AK5: variants seen among roughly 807,000 people sequenced by gnomAD.
AK5 encodes the protein adenylate kinase 5.
AK5 carries 27 observed loss-of-function variants against 69.5 expected under a neutral mutation model. The observed-to-expected ratio is 0.39, with a 90% CI of 0.29 to 0.54. The LOEUF (loss-of-function observed/expected upper bound fraction) is 0.54, where lower values mean the gene tolerates loss of function less well. Among genes scored for constraint, AK5 ranks in the 20% least tolerant of loss-of-function variants. The pLI, the probability that AK5 is intolerant of heterozygous loss-of-function variation, is 0.71. For synonymous variants in AK5, 260 were observed against 244.4 expected (o/e 1.06, Z -0.60); for missense variants, 531 against 700.4 (o/e 0.76, Z 2.73).
intron 8 of AK5, among the ~76,000 whole-genome samples, chr1:77,422,528 G>T (rs145491487): frequency 6.6e-6 from 1 of 152,044 alleles, no homozygotes; most frequent in African/African-American, 2.4e-5. Flanking sequence ...CCCTCAAATG[G>T]GTCATGTTTG....
chr1:77,521,795 C>T (rs1657999852), intron 11 of AK5, 32 bp from the exon 12 acceptor site: 2 of 1,537,632 alleles, frequency 1.3e-6, no homozygotes, highest in African/African-American at 2.7e-5. Context: ...TGTGAAAGAG[C>T]TCAGGTCCTG....
At chr1:77,486,896 T>C (rs1042977321) in intron 10 of AK5, among the ~76,000 whole-genome samples, 2 of 152,230 alleles carry the variant, frequency 1.3e-5, no homozygotes, top group Non-Finnish European at 2.9e-5. Flanking sequence ...AGTTTAGCTC[T>C]ACAATAACAA....
At chr1:77,451,161 G>A (rs1346321640) in intron 8 of AK5, among the ~76,000 whole-genome samples, 1 of 151,122 alleles carries the variant, frequency 6.6e-6, no homozygotes, top group Non-Finnish European at 1.5e-5. Context: ...AGGCAACAGA[G>A]AGACCCTGTC....
chr1:77,396,128 C>A (rs765086611), intron 6 of AK5, among the ~76,000 whole-genome samples: 1 of 149,754 alleles, frequency 6.7e-6, no homozygotes, highest in Non-Finnish European at 1.5e-5. Context: ...AAAGCCAATT[C>A]TTCTGCCATT....
chr1:77,369,615 T>C (rs1647082178), intron 6 of AK5, among the ~76,000 whole-genome samples: 1 of 152,190 alleles, frequency 6.6e-6, no homozygotes, highest in Non-Finnish European at 1.5e-5. Context: ...ATGGCCTCTT[T>C]ATATAATCCG....
intron 13 of AK5, among the ~76,000 whole-genome samples, chr1:77,549,613 A>G (rs1443075877): frequency 6.6e-6 from 1 of 151,980 alleles, no homozygotes; most frequent in African/African-American, 2.4e-5. Flanking sequence ...CTTCCCAGAC[A>G]CTGGTAACTA....
At chr1:77,510,599 C>A (rs1224094862) in intron 10 of AK5, among the ~76,000 whole-genome samples, 2 of 151,490 alleles carry the variant, frequency 1.3e-5, no homozygotes, top group Non-Finnish European at 2.9e-5. Context: ...TTCATTTGGA[C>A]TAGGGAGAAC....
At chr1:77,509,618 A>T (rs1403167145) in intron 10 of AK5, among the ~76,000 whole-genome samples, 1 of 152,236 alleles carries the variant, frequency 6.6e-6, no homozygotes, top group Non-Finnish European at 1.5e-5. Context: ...AGAAAGAAAT[A>T]TTTCAACAGG....
intron 13 of AK5, among the ~76,000 whole-genome samples, chr1:77,557,741 A>G (rs139605720): frequency 1.1e-4 from 16 of 152,256 alleles, no homozygotes. Flanking sequence ...AAGTCTTTCC[A>G]TGACCCCTAG....
intron 6 of AK5, among the ~76,000 whole-genome samples, chr1:77,396,793 A>G (rs779470748): frequency 6.6e-6 from 1 of 152,260 alleles, no homozygotes; most frequent in Non-Finnish European, 1.5e-5. Flanking sequence ...CCCTAATTGT[A>G]TGACCTTAAG....
chr1:77,491,188 A>G (rs565206182), intron 10 of AK5, among the ~76,000 whole-genome samples: 1 of 152,270 alleles, frequency 6.6e-6, no homozygotes, highest in Non-Finnish European at 1.5e-5. Context: ...TTCCTAAGGA[A>G]AACTGGAGTA....
intron 13 of AK5, among the ~76,000 whole-genome samples, chr1:77,548,697 T>C (rs1166777483): frequency 6.6e-6 from 1 of 152,190 alleles, no homozygotes; most frequent in African/African-American, 2.4e-5. Flanking sequence ...GCCAACTGTT[T>C]TATGATTTAC....
chr1:77,475,395 T>TACGA (rs1161170148), intron 8 of AK5, among the ~76,000 whole-genome samples: 3 of 8,798 alleles, frequency 3.4e-4, no homozygotes, highest in Non-Finnish European at 5.7e-4. Flanking sequence ...TATGTATATA[T>TACGA]ATAATATATA....
At chr1:77,496,431 A>C (rs1656318615) in intron 10 of AK5, among the ~76,000 whole-genome samples, 1 of 152,240 alleles carries the variant, frequency 6.6e-6, no homozygotes, top group Non-Finnish European at 1.5e-5. Context: ...CTTCAGATGG[A>C]GCACTCTGCC....
chr1:77,299,815 G>A (rs1721166), intron 5 of AK5, among the ~76,000 whole-genome samples: 107,987 of 151,556 alleles, frequency 0.71, 38,658 homozygotes, highest in Middle Eastern at 0.83. Context: ...GCTAAACTTG[G>A]TAGGTACAAG....
chr1:77,397,681 A>T (rs1468876942), intron 6 of AK5, among the ~76,000 whole-genome samples: 1 of 152,172 alleles, frequency 6.6e-6, no homozygotes, highest in Non-Finnish European at 1.5e-5. Context: ...AATCACTTGA[A>T]CCCAAGAGTT....
At position 77,543,401 on chromosome 1, in the gene AK5, G is replaced by A. The variant is rs547440653; in HGVS notation, c.1620+7363G>A. On this transcript the variant is annotated intron_variant, in intron 13 of 13. Transcript: ENST00000354567. ...GCTAAAGTAACTCAACTAATTTTGA[G>A]TTCAATTTCTCATTGAATATCTGAG... Among the ~76,000 whole-genome samples, 10 of 152,276 alleles carry A rather than the reference G, an allele frequency of 6.6e-5. No homozygotes were observed. The South Asian group carries it at 1.9e-3, about 28-fold the overall frequency.
At position 77,411,003 on chromosome 1, in the gene AK5, A is replaced by G; in HGVS notation, c.914A>G (p.Asp305Gly). 1 of 1,613,900 alleles carries G rather than the reference A, an allele frequency of 6.2e-7. No homozygotes were observed. Among genetic ancestry groups the G allele is most frequent in the South Asian group, 1.1e-5 (1 of 91,056 alleles). The change falls in exon 7 of 14, where the codon GAT becomes GGT. Residue 305 changes from aspartate (D) to glycine (G), a missense_variant. Asp to Gly is a moderately conservative substitution (Grantham distance 94, BLOSUM62 -1). Coordinates refer to ENST00000354567, the MANE Select transcript of AK5 (RefSeq NM_174858.3). The stretch of plus-strand genomic sequence containing the variant: ...CAGTTTGATGCCGACCGCGATGAGG[A>G]TGAGGTGTTCTATGACATCAGCATG... ...IMTFDADRDE[D>G]EVFYDISMAV... is the part of the protein sequence containing the mutation.
At chr1:77,481,261 A>T (rs530111602) in intron 8 of AK5, among the ~76,000 whole-genome samples, 30 of 152,344 alleles carry the variant, frequency 2.0e-4, no homozygotes, top group African/African-American at 6.3e-4. Context: ...CTCTCTGAAC[A>T]TCAGTTTCCT....
Sources: allele counts gnomAD v4.1 joint callset (sites outside exome capture counted in the v4.1 genomes callset), GRCh38; gene constraint gnomAD v4.1.1; transcripts MANE v1.5; gene names NCBI Gene and HGNC (gene_info 2026-07-23, HGNC 2026-07-21).